CSMD2: variants seen among roughly 807,000 people sequenced by gnomAD.
CSMD2 encodes the protein CUB and Sushi multiple domains 2.
CSMD2 carries 130 observed loss-of-function variants against 398.5 expected under a neutral mutation model. That is an observed-to-expected ratio of 0.33 (90% confidence interval 0.28 to 0.38). The LOEUF is 0.38. Ranked by LOEUF, CSMD2 falls within the 10% of genes least tolerant of loss-of-function variation. The pLI is 1.00. For missense variants in CSMD2, 3,829 were observed against 4,764.9 expected (o/e 0.80, Z 5.78); for synonymous variants, 1,828 against 1,908.5 (o/e 0.96, Z 1.10).
chr1:33,935,543 A>G (rs1391022536), intron 4 of CSMD2, among the ~76,000 whole-genome samples: 1 of 152,158 alleles, frequency 6.6e-6, no homozygotes, highest in Non-Finnish European at 1.5e-5. Context: ...AGGGGAAAAA[A>G]TGAGGGAGTG....
At position 33,726,652 on chromosome 1, in the gene CSMD2, C is replaced by T. The variant is rs748481280; in HGVS notation, c.2402G>A (p.Gly801Asp). The T allele has an allele frequency of 1.2e-6, 2 of 1,612,534 alleles. No individual in the cohort carries two copies. The highest frequency in any genetic ancestry group is 1.7e-6 in the Non-Finnish European group (2 of 1,179,900). Residue 801 changes from glycine to aspartate, a missense_variant, in exon 16 of 71, where the codon GGC (glycine) becomes GAC (aspartate). Transcript: ENST00000373381. The part of the protein sequence containing the change: ...PCGGHLTSPS[G>D]TILSPGWPGF... ...AGGCCAGCCCGGAGAGAGGATGGTG[C>T]CGCTGGGCGAAGTCAGGTGACCACC...
chr1:33,769,653 T>C (rs750296549), intron 13 of CSMD2, among the ~76,000 whole-genome samples: 1 of 152,090 alleles, frequency 6.6e-6, no homozygotes, highest in African/African-American at 2.4e-5. Context: ...GAAGAGTGTA[T>C]TTGTGTATTC....
intron 25 of CSMD2, among the ~76,000 whole-genome samples, chr1:33,671,936 C>T (rs781589671): frequency 2.6e-5 from 4 of 152,200 alleles, no homozygotes; most frequent in Non-Finnish European, 4.4e-5. Flanking sequence ...CAAATGATTC[C>T]CACCTCCCTG....
In CSMD2 at chr1:33,602,361, T is replaced by G. The variant is rs1013787092; in HGVS notation, c.6710+8A>C. 2 of 1,613,806 alleles carry G rather than the reference T, an allele frequency of 1.2e-6. No individual in the cohort carries two copies. Among genetic ancestry groups the G allele is most frequent in the Non-Finnish European group, 1.7e-6 (2 of 1,179,914 alleles). Reference sequence around the variant, plus strand: ...TCTAATTGGCTGTTGACATGGCACCTGGCCTACCAGATGGTGATGAAATCT... The same window carrying G: ...TCTAATTGGCTGTTGACATGGCACCGGGCCTACCAGATGGTGATGAAATCT... On this transcript the variant is annotated splice_region_variant and intron_variant, in intron 43 of 70. Transcript: ENST00000373381.
At position 33,679,194 on chromosome 1, in the gene CSMD2, C is replaced by T. The variant is rs559985580; in HGVS notation, c.4052+13736G>A. ...GAACCAAAGACCTGGGTTCAAATTG[C>T]AGTTGTTTTTTTTTTTTTTTTTTTT... On this transcript the variant is annotated intron_variant, in intron 25 of 70. Coordinates refer to ENST00000373381, the MANE Select transcript of CSMD2 (RefSeq NM_001281956.2). Among the ~76,000 whole-genome samples the T allele has an allele frequency of 1.0e-4, 14 of 136,494 alleles. No homozygotes were observed. In the East Asian group the frequency reaches 3.0e-3, roughly 30 times the overall value. The allele number at this position is 136,494 out of a possible 152,430, so 89.5% of individuals were successfully genotyped here. A position where few individuals can be genotyped will look rare whatever the true frequency, so the allele number is the denominator to read the frequency against.
At chr1:34,078,118 G>A (rs1656648463) in intron 2 of CSMD2, among the ~76,000 whole-genome samples, 1 of 151,796 alleles carries the variant, frequency 6.6e-6, no homozygotes, top group Non-Finnish European at 1.5e-5. Context: ...GACTACAGGT[G>A]GATGCCACTG....
At position 33,624,253 on chromosome 1, in the gene CSMD2, C is replaced by T. The variant is rs930497229; in HGVS notation, c.5625+266G>A. Reference sequence around the variant, plus strand: ...CCATGGCCAATCAATGCCCACCTCTCCTCCTTCCTGGGTTACCCGACTCCC... The same window carrying T: ...CCATGGCCAATCAATGCCCACCTCTTCTCCTTCCTGGGTTACCCGACTCCC... On this transcript the variant is annotated intron_variant, in intron 35 of 70. Transcript: ENST00000373381. The surrounding 1 kb of genome is among the most constrained non-coding windows in gnomAD (Gnocchi z 4.7). Among the ~76,000 whole-genome samples the T allele has an allele frequency of 5.3e-5, 8 of 152,216 alleles. No homozygotes were observed. Among genetic ancestry groups the T allele is most frequent in the Admixed American group, 6.5e-5 (1 of 15,290 alleles).
intron 7 of CSMD2, among the ~76,000 whole-genome samples, chr1:33,824,592 G>A (rs983842427): frequency 1.3e-5 from 2 of 152,068 alleles, no homozygotes; most frequent in South Asian, 2.1e-4. Context: ...GAAAACCACC[G>A]GTGCCACTCT....
In CSMD2 at chr1:33,698,913, T is replaced by C. The variant is rs1407341063; in HGVS notation, c.3765A>G (p.Gly1255=). The C allele has an allele frequency of 3.1e-6, 5 of 1,613,946 alleles. No homozygotes were observed. Among genetic ancestry groups the C allele is most frequent in the Non-Finnish European group, 4.2e-6 (5 of 1,179,984 alleles). ...SFELIKCEDP[G]TPKFGYKVHD... ...GAACCTTGTAGCCAAACTTGGGGGT[T>C]CCTGGGTCCTCACATTTGATGAGTT... Residue 1255 remains glycine (G), a synonymous_variant, in exon 24 of 71, where the codon GGA becomes GGG. Coordinates refer to ENST00000373381, the MANE Select transcript of CSMD2 (RefSeq NM_001281956.2).
At chr1:34,128,418 G>A (rs1414671445) in intron 1 of CSMD2, among the ~76,000 whole-genome samples, 2 of 152,312 alleles carry the variant, frequency 1.3e-5, no homozygotes, top group East Asian at 1.9e-4. Context: ...CTGAGGGTGT[G>A]TCTCCTAACC....
intron 11 of CSMD2, among the ~76,000 whole-genome samples, chr1:33,792,204 A>G (rs9659592): frequency 0.11 from 16,315 of 152,168 alleles, 1,079 homozygotes; most frequent in African/African-American, 0.18. Context: ...TGCTCATTCT[A>G]TTCACATTTC....
chr1:33,606,059 T>C, intron 41 of CSMD2: 1 of 1,541,072 alleles, frequency 6.5e-7, no homozygotes, highest in Non-Finnish European at 8.7e-7. Context: ...ACAAAGCAAG[T>C]CCCTCCAAAG....
chr1:34,126,804 G>GA (rs3044852), intron 1 of CSMD2, among the ~76,000 whole-genome samples: 10 of 3,088 alleles, frequency 3.2e-3, no homozygotes, highest in African/African-American at 6.0e-3. Context: ...GAGAGACATA[G>GA]GGGAGAGAGA....
At chr1:33,606,004 A>C (rs1238638639) in intron 41 of CSMD2, 1 of 1,608,358 alleles carries the variant, frequency 6.2e-7, no homozygotes, top group Admixed American at 1.7e-5. Context: ...GCAAGGAGAG[A>C]AGCTTTTCAG....
chr1:33,712,904 A>T (rs1443856311), intron 21 of CSMD2, among the ~76,000 whole-genome samples: 2 of 152,178 alleles, frequency 1.3e-5, no homozygotes, highest in African/African-American at 4.8e-5. Flanking sequence ...GGGTTATTTA[A>T]TTGTTCAGAA....
intron 6 of CSMD2, among the ~76,000 whole-genome samples, chr1:33,832,705 T>C (rs1659735256): frequency 6.6e-6 from 1 of 150,560 alleles, no homozygotes; most frequent in South Asian, 2.1e-4. Flanking sequence ...AATTAATGAA[T>C]CCAGGAGCTG....
chr1:33,562,742 C>T (rs1658689794), intron 53 of CSMD2, among the ~76,000 whole-genome samples: 1 of 152,152 alleles, frequency 6.6e-6, no homozygotes, highest in Admixed American at 6.5e-5. Context: ...GATTATGAGG[C>T]CCTCCATAAT....
At position 33,743,475 on chromosome 1, in the gene CSMD2, A is replaced by G; in HGVS notation, c.1978T>C (p.Phe660Leu). Residue 660 changes from phenylalanine (F) to leucine (L), a missense_variant, in exon 14 of 71, where the codon TTC (phenylalanine) becomes CTC (leucine). Phe to Leu is a conservative substitution (Grantham distance 22). Transcript: ENST00000373381. ...TGAGGCTCCACGTCAATGTCGTTGA[A>G]GGCCAGGTGGATGCGGCTCTCAGGC... ...ARPESRIHLA[F>L]NDIDVEPQFD... The G allele has an allele frequency of 1.2e-6, 2 of 1,614,178 alleles. No individual in the cohort carries two copies. Among genetic ancestry groups the G allele is most frequent in the Non-Finnish European group, 1.7e-6 (2 of 1,180,038 alleles).
intron 37 of CSMD2, among the ~76,000 whole-genome samples, chr1:33,621,246 T>G (rs1349708663): frequency 6.6e-6 from 1 of 152,226 alleles, no homozygotes; most frequent in Non-Finnish European, 1.5e-5. Context: ...CTTGTCTTAT[T>G]GACCTTTGTA....
Sources: gnomAD v4.1 joint callset for allele counts (sites outside exome capture counted in the v4.1 genomes callset) on GRCh38, gnomAD v4.1.1 for gene constraint, Gnocchi (gnomAD v3.1) non-coding constraint, MANE v1.5 for transcripts, NCBI Gene and HGNC (gene_info 2026-07-23, HGNC 2026-07-21) for gene names.